Variants in HUNK observed in about 807,000 individuals in gnomAD.
The protein encoded by HUNK is hormonally up-regulated neu tumor-associated kinase.
Under a neutral mutation model 61.0 loss-of-function variants are expected in HUNK, and 21 were observed. That is an observed-to-expected ratio of 0.34 (90% CI 0.24 to 0.50). The LOEUF is 0.50. HUNK is among the 20% of genes least tolerant of loss of function. The pLI, the probability that HUNK is intolerant of heterozygous loss-of-function variation, is 0.98. For missense variants in HUNK, 772 were observed against 945.7 expected, an observed-to-expected ratio of 0.82 and a Z score of 2.41; for synonymous variants, 371 against 386.1, an observed-to-expected ratio of 0.96 and a Z score of 0.46.
At chr21:31,969,230 C>G (rs759088933) in intron 6 of HUNK, among the ~76,000 whole-genome samples, 1 of 152,182 alleles carries the variant, frequency 6.6e-6, no homozygotes, top group Non-Finnish European at 1.5e-5. Flanking sequence ...ACGAGCCCAC[C>G]TGCCAACATC....
intron 1 of HUNK, among the ~76,000 whole-genome samples, chr21:31,895,190 G>C (rs1447620154): frequency 6.6e-6 from 1 of 152,140 alleles, no homozygotes; most frequent in African/African-American, 2.4e-5. Flanking sequence ...ACATGCTCTG[G>C]CATATGTAAC....
intron 1 of HUNK, among the ~76,000 whole-genome samples, chr21:31,905,830 G>C (rs1251146622): frequency 2.6e-5 from 4 of 152,242 alleles, no homozygotes; most frequent in African/African-American, 4.8e-5. Context: ...GTGATTTAGT[G>C]GGGGAGGAAG....
chr21:31,914,280 T>G (rs11088193), intron 1 of HUNK, among the ~76,000 whole-genome samples: 80,228 of 151,514 alleles, frequency 0.53, 22,677 homozygotes, highest in African/African-American at 0.69. Flanking sequence ...GGTGGCTCAT[T>G]CCTGTAATCT....
At chr21:31,927,370 C>T (rs1484808586) in intron 2 of HUNK, among the ~76,000 whole-genome samples, 4 of 90 alleles carry the variant, frequency 0.044, no homozygotes, top group South Asian at 0.33. Flanking sequence ...TCAGGCCGGG[C>T]GCAGTGCTCA....
intron 6 of HUNK, among the ~76,000 whole-genome samples, chr21:31,968,812 T>C (rs2052988693): frequency 6.7e-6 from 1 of 149,240 alleles, no homozygotes; most frequent in Non-Finnish European, 1.5e-5. Context: ...GGGTGTTGTG[T>C]CTGTGTGTGT....
chr21:31,874,795 G>T lies in HUNK; in HGVS notation c.261+860G>T, dbSNP rs1915774135. ...AGAGGGGAAAGGAAAGGGGACCTCC[G>T]CGAGACCAAAAGGGGCACCTCTCCA... On this transcript the variant is annotated intron_variant, in intron 1 of 10. Transcript: ENST00000270112. 2.0e-5 allele frequency among the ~76,000 whole-genome samples: 3 copies of T among 152,118 alleles called. No homozygotes were observed. In the South Asian group the frequency reaches 6.2e-4, roughly 32 times the overall value.
chr21:31,980,884 A>G (rs577513959), intron 7 of HUNK, among the ~76,000 whole-genome samples: 1 of 152,118 alleles, frequency 6.6e-6, no homozygotes, highest in East Asian at 1.9e-4. Context: ...TTGTATTTTT[A>G]GTAGAGATGG....
chr21:31,982,717 T>C (rs1237442902), intron 7 of HUNK, among the ~76,000 whole-genome samples: 3 of 152,230 alleles, frequency 2.0e-5, no homozygotes, highest in Non-Finnish European at 4.4e-5. Flanking sequence ...TGAATTGTTA[T>C]GGCTTTCATT....
chr21:31,905,316 T>C lies in HUNK; in HGVS notation c.262-19152T>C, dbSNP rs542985329. Among the ~76,000 whole-genome samples, 3 of 152,330 alleles carry C rather than the reference T, an allele frequency of 2.0e-5. No homozygotes were observed. The East Asian group carries it at 5.8e-4, about 29-fold the overall frequency. On this transcript the variant is annotated intron_variant, in intron 1 of 10. Transcript: ENST00000270112. ...GAGAGGCTCCAGACGTAACCAGTCC[T>C]GCTCACACCTTGATCTCAGACTTGT...
At chr21:31,896,478 A>G (rs1376143171) in intron 1 of HUNK, among the ~76,000 whole-genome samples, 2 of 152,176 alleles carry the variant, frequency 1.3e-5, no homozygotes, top group Admixed American at 6.5e-5. Flanking sequence ...CCTGGAAACA[A>G]TCTCCTCCTT....
At chr21:31,875,082 G>A (rs954580616) in intron 1 of HUNK, among the ~76,000 whole-genome samples, 1 of 152,178 alleles carries the variant, frequency 6.6e-6, no homozygotes, top group African/African-American at 2.4e-5. Context: ...TGTGTGGTCC[G>A]TGGGTCAGGG....
intron 7 of HUNK, among the ~76,000 whole-genome samples, chr21:31,980,188 C>T (rs767290232): frequency 1.3e-5 from 2 of 152,058 alleles, no homozygotes; most frequent in Non-Finnish European, 2.9e-5. Flanking sequence ...TCTTGTGCCT[C>T]AGCCTCTCAA....
At position 32,000,163 on chromosome 21, in the gene HUNK, A is replaced by G. The variant is rs2053236663; in HGVS notation, c.*979A>G. On this transcript the variant is annotated 3_prime_UTR_variant, in exon 11 of 11. Coordinates refer to ENST00000270112, the MANE Select transcript of HUNK (RefSeq NM_014586.2). ...GAAAGAGGGAAAAGATGATTGTGAC[A>G]ATTCAGAGCATAACTCAGATGGCGA... The G allele has an allele frequency of 5.0e-6, 2 of 398,936 alleles. No individual in the cohort carries two copies. The highest frequency in any genetic ancestry group is 7.1e-5 in the East Asian group (2 of 28,072). 24.7% of individuals were successfully genotyped at this position (398,936 alleles called of 1,614,324 possible).
At chr21:31,962,256 G>T in intron 5 of HUNK, among the ~76,000 whole-genome samples, 1 of 152,212 alleles carries the variant, frequency 6.6e-6, no homozygotes, top group East Asian at 1.9e-4. Flanking sequence ...AATATTTGTT[G>T]ATTAGCATTA....
At chr21:31,967,690 T>C (rs1288038539) in intron 5 of HUNK, among the ~76,000 whole-genome samples, 1 of 152,172 alleles carries the variant, frequency 6.6e-6, no homozygotes, top group African/African-American at 2.4e-5. Context: ...AAGCAGGACC[T>C]CTCTGGCCCC....
intron 7 of HUNK, among the ~76,000 whole-genome samples, chr21:31,974,996 CT>C (rs1033673980): frequency 1.6e-3 from 234 of 144,684 alleles, no homozygotes; most frequent in Middle Eastern, 3.6e-3. Flanking sequence ...TCTCTGTTGT[CT>C]TTTTTTTTTT....
rs1682635135 is a variant in HUNK at position 32,000,662 on chromosome 21, C to T, written c.*1478C>T. ...GCCACCTCAGATAGTCATCTCAGTC[C>T]AAGGATCCCAAAACACAAATCTAGA... On this transcript the variant is annotated 3_prime_UTR_variant, in exon 11 of 11. Transcript: ENST00000270112. 1 of 398,896 alleles carries T rather than the reference C, an allele frequency of 2.5e-6. No homozygotes were observed. Among genetic ancestry groups the T allele is most frequent in the Non-Finnish European group, 4.4e-6 (1 of 226,136 alleles). 24.7% of individuals were successfully genotyped at this position (398,896 alleles called of 1,614,324 possible).
At chr21:31,919,257 C>T (rs1224502866) in intron 1 of HUNK, among the ~76,000 whole-genome samples, 1 of 151,868 alleles carries the variant, frequency 6.6e-6, no homozygotes, top group Non-Finnish European at 1.5e-5. Context: ...ATGGGGTTTC[C>T]AGGGGGTATT....
chr21:31,996,566 G>A (rs1464503635), intron 10 of HUNK, among the ~76,000 whole-genome samples: 1 of 152,180 alleles, frequency 6.6e-6, no homozygotes, highest in African/African-American at 2.4e-5. Flanking sequence ...AGATGCAAAA[G>A]GCAGACCTTA....
Sources: allele counts gnomAD v4.1 joint callset (sites outside exome capture counted in the v4.1 genomes callset), GRCh38; gene constraint gnomAD v4.1.1; transcripts MANE v1.5; gene names NCBI Gene and HGNC (gene_info 2026-07-23, HGNC 2026-07-21).